Variants in CSMD3 observed in about 807,000 individuals in gnomAD.
CSMD3 encodes CUB and Sushi multiple domains 3.
Under a neutral mutation model 435.2 loss-of-function variants are expected in CSMD3, and 177 were observed. That is an observed-to-expected ratio of 0.41 (90% confidence interval 0.36 to 0.46). The LOEUF (loss-of-function observed/expected upper bound fraction) is 0.46. CSMD3 is among the 20% of genes least tolerant of loss of function. The pLI is 0.34. For synonymous variants in CSMD3, 1,656 were observed against 1,520.5 expected, an observed-to-expected ratio of 1.09 and a Z score of -2.07; for missense variants, 4,265 against 4,504.6, an observed-to-expected ratio of 0.95 and a Z score of 1.52.
chr8:113,373,556 A>C (rs1238836907), intron 1 of CSMD3, among the ~76,000 whole-genome samples: 3 of 152,022 alleles, frequency 2.0e-5, no homozygotes, highest in African/African-American at 2.4e-5. Flanking sequence ...ATAAATACAC[A>C]TATATACATT....
At chr8:112,333,456 T>A (rs542303536) in intron 45 of CSMD3, among the ~76,000 whole-genome samples, 1 of 152,184 alleles carries the variant, frequency 6.6e-6, no homozygotes, top group Non-Finnish European at 1.5e-5. Flanking sequence ...CATGAGCCAC[T>A]GCGCCTGGCC....
chr8:113,284,250 T>G (rs896506857), intron 2 of CSMD3, among the ~76,000 whole-genome samples: 1 of 152,138 alleles, frequency 6.6e-6, no homozygotes, highest in Non-Finnish European at 1.5e-5. Flanking sequence ...ATGTCAGTGT[T>G]TGGGACTCAG....
chr8:113,229,612 G>A (rs1419078316), intron 3 of CSMD3, among the ~76,000 whole-genome samples: 1 of 151,568 alleles, frequency 6.6e-6, no homozygotes, highest in Non-Finnish European at 1.5e-5. Context: ...TTATAAAATC[G>A]TGAATTAAGG....
intron 32 of CSMD3, among the ~76,000 whole-genome samples, chr8:112,465,151 C>T (rs1817831282): frequency 6.6e-6 from 1 of 152,138 alleles, no homozygotes; most frequent in South Asian, 2.1e-4. Flanking sequence ...CCCACTGTGT[C>T]TCCATTTAGT....
chr8:113,085,158 C>G (rs2089713563), intron 5 of CSMD3, among the ~76,000 whole-genome samples: 1 of 151,334 alleles, frequency 6.6e-6, no homozygotes, highest in South Asian at 2.1e-4. Context: ...AGACAACCTG[C>G]AAAGTGGGAG....
chr8:113,068,172 T>A (rs1218677875), intron 5 of CSMD3, among the ~76,000 whole-genome samples: 2 of 152,192 alleles, frequency 1.3e-5, no homozygotes, highest in Non-Finnish European at 2.9e-5. Context: ...ATTTTTAGTA[T>A]AATAATCTTT....
intron 22 of CSMD3, among the ~76,000 whole-genome samples, chr8:112,622,270 G>A (rs1834133862): frequency 1.3e-5 from 2 of 152,046 alleles, no homozygotes; most frequent in African/African-American, 4.8e-5. Flanking sequence ...CAACTTTACT[G>A]TTCTGCCCCA....
intron 20 of CSMD3, among the ~76,000 whole-genome samples, chr8:112,644,882 C>G (rs773369670): frequency 5.9e-5 from 9 of 151,978 alleles, no homozygotes; most frequent in African/African-American, 9.7e-5. Context: ...CAAAAGTAAA[C>G]AAATCTCTCA....
chr8:112,819,142 G>T (rs1296936176), intron 12 of CSMD3, among the ~76,000 whole-genome samples: 1 of 152,134 alleles, frequency 6.6e-6, no homozygotes, highest in Non-Finnish European at 1.5e-5. Flanking sequence ...ATCCCTAGGT[G>T]CAATGAAAGG....
chr8:113,034,436 A>G (rs183533860), intron 5 of CSMD3, among the ~76,000 whole-genome samples: 1 of 151,776 alleles, frequency 6.6e-6, no homozygotes, highest in Non-Finnish European at 1.5e-5. Context: ...AAAATATCAT[A>G]CATTATATGA....
At chr8:112,764,905 T>C (rs1384293575) in intron 13 of CSMD3, among the ~76,000 whole-genome samples, 2 of 151,628 alleles carry the variant, frequency 1.3e-5, no homozygotes, top group East Asian at 3.9e-4. Context: ...CAGAAGAAGA[T>C]TACAAATTAT....
intron 7 of CSMD3, among the ~76,000 whole-genome samples, chr8:112,962,846 G>C (rs569101787): frequency 4.8e-4 from 73 of 151,976 alleles, no homozygotes; most frequent in African/African-American, 1.6e-3. Flanking sequence ...AATTTGATCT[G>C]AATGGCTACA....
intron 58 of CSMD3, among the ~76,000 whole-genome samples, chr8:112,285,824 T>G (rs2130621676): frequency 6.6e-6 from 1 of 152,150 alleles, no homozygotes; most frequent in East Asian, 1.9e-4. Flanking sequence ...GACTCAGTGA[T>G]CCTCCTGCCT....
At chr8:112,525,693 C>G (rs1235039568) in intron 27 of CSMD3, among the ~76,000 whole-genome samples, 4 of 146,532 alleles carry the variant, frequency 2.7e-5, no homozygotes, top group Non-Finnish European at 6.0e-5. Context: ...TGCACTCCAG[C>G]CTGAGCGACA....
chr8:113,397,106 T>C (rs989288362), intron 1 of CSMD3, among the ~76,000 whole-genome samples: 2 of 152,180 alleles, frequency 1.3e-5, no homozygotes, highest in Admixed American at 6.5e-5. Flanking sequence ...CCCTCCAAAA[T>C]GTTAAATTAA....
At chr8:112,757,859 G>T (rs1037347181) in intron 13 of CSMD3, among the ~76,000 whole-genome samples, 1 of 151,920 alleles carries the variant, frequency 6.6e-6, no homozygotes, top group African/African-American at 2.4e-5. Context: ...TTTGAGACCA[G>T]TCTGGGCAAC....
chr8:113,042,233 T>G (rs1273529653), intron 5 of CSMD3, among the ~76,000 whole-genome samples: 1 of 152,172 alleles, frequency 6.6e-6, no homozygotes, highest in Non-Finnish European at 1.5e-5. Context: ...GCACTCGTTT[T>G]GAAAGAATTA....
intron 32 of CSMD3, among the ~76,000 whole-genome samples, chr8:112,458,909 C>T (rs1451686716): frequency 1.3e-5 from 2 of 152,020 alleles, no homozygotes; most frequent in East Asian, 3.9e-4. Context: ...GTGCCTGCTG[C>T]CATCATTAGA....
intron 30 of CSMD3, among the ~76,000 whole-genome samples, chr8:112,493,935 TAAG>T (rs1468422681): frequency 2.0e-5 from 3 of 152,086 alleles, no homozygotes; most frequent in Non-Finnish European, 2.9e-5. Context: ...TTTGTGCTAA[TAAG>T]AAATCAGACA....
Sources: gnomAD v4.1 joint callset for allele counts (sites outside exome capture counted in the v4.1 genomes callset) on GRCh38, gnomAD v4.1.1 for gene constraint, MANE v1.5 for transcripts, NCBI Gene and HGNC (gene_info 2026-07-23, HGNC 2026-07-21) for gene names.